Variants in RBFOX2 observed in about 807,000 individuals in gnomAD.
RBFOX2 encodes RNA binding protein fox-1 homolog 2.
In RBFOX2, 10 loss-of-function variants were observed where a neutral mutation model predicts 49.1. The ratio of observed to expected loss-of-function variants is 0.20; its 90% CI spans 0.13 to 0.35. The LOEUF (loss-of-function observed/expected upper bound fraction) is 0.35, where lower values mean the gene tolerates loss of function less well. RBFOX2 is among the 10% of genes least tolerant of loss of function. The pLI is 1.00. For synonymous variants in RBFOX2, 183 were observed against 187.4 expected, an observed-to-expected ratio of 0.98 and a Z score of 0.19; for missense variants, 323 against 486.9, an observed-to-expected ratio of 0.66 and a Z score of 3.17.
At chr22:35,906,296 A>G (rs2049124069) in intron 1 of RBFOX2, among the ~76,000 whole-genome samples, 1 of 152,192 alleles carries the variant, frequency 6.6e-6, no homozygotes, top group Admixed American at 6.5e-5. Context: ...TGGGAGAGCA[A>G]CTTTTCACGA....
chr22:35,797,664 C>T (rs1229196403), intron 2 of RBFOX2, among the ~76,000 whole-genome samples: 1 of 152,180 alleles, frequency 6.6e-6, no homozygotes, highest in Non-Finnish European at 1.5e-5. Flanking sequence ...ACCATTGCTT[C>T]TGTACTGACC....
chr22:35,939,554 A>C (rs1410277047), upstream of RBFOX2, among the ~76,000 whole-genome samples: 1 of 152,042 alleles, frequency 6.6e-6, no homozygotes, highest in Non-Finnish European at 1.5e-5. Flanking sequence ...CCTAATATTT[A>C]ATATTTACTT....
intron 1 of RBFOX2, among the ~76,000 whole-genome samples, chr22:35,832,709 G>A (rs887987844): frequency 1.3e-5 from 2 of 151,860 alleles, no homozygotes; most frequent in Non-Finnish European, 2.9e-5. Flanking sequence ...GCATGCACCC[G>A]TAGTCCTACC....
At chr22:35,894,995 A>C (rs140530783) in intron 1 of RBFOX2, among the ~76,000 whole-genome samples, 25 of 150,760 alleles carry the variant, frequency 1.7e-4, no homozygotes, top group Non-Finnish European at 2.8e-4. Flanking sequence ...AAAAAAAAGA[A>C]AAGACTGGTC....
intron 1 of RBFOX2, among the ~76,000 whole-genome samples, chr22:35,850,214 A>ACTCT (rs1291828852): frequency 6.6e-6 from 1 of 151,216 alleles, no homozygotes; most frequent in African/African-American, 2.4e-5. Context: ...ACACACACAC[A>ACTCT]CACACACACA....
chr22:35,852,962 T>C (rs767483266), intron 1 of RBFOX2, among the ~76,000 whole-genome samples: 3 of 152,132 alleles, frequency 2.0e-5, no homozygotes, highest in Non-Finnish European at 2.9e-5. Context: ...TTCTAGACTA[T>C]ACATACAAGG....
intron 1 of RBFOX2, among the ~76,000 whole-genome samples, chr22:35,933,926 T>TTATATA (rs3075245): frequency 0.033 from 3,855 of 117,830 alleles, 70 homozygotes; most frequent in East Asian, 0.047. Context: ...TAATTAAATG[T>TTATATA]TATATATATA....
intron 1 of RBFOX2, among the ~76,000 whole-genome samples, chr22:35,980,246 T>G (rs9619580): frequency 6.6e-6 from 1 of 151,372 alleles, no homozygotes; most frequent in Admixed American, 6.6e-5. Flanking sequence ...TGAACACCCA[T>G]AAATAGGAAA....
intron 1 of RBFOX2, among the ~76,000 whole-genome samples, chr22:35,985,265 A>G (rs558066424): frequency 2.6e-5 from 4 of 152,354 alleles, no homozygotes; most frequent in African/African-American, 9.6e-5. Context: ...GTAATCAACT[A>G]AAAGTCAAGA....
intron 1 of RBFOX2, among the ~76,000 whole-genome samples, chr22:35,881,070 C>G (rs2045823318): frequency 1.3e-5 from 2 of 149,764 alleles, no homozygotes; most frequent in Non-Finnish European, 3.0e-5. Flanking sequence ...GGAGACCATC[C>G]TGGCTAACAT....
At chr22:35,890,405 G>A (rs990789420) in intron 1 of RBFOX2, among the ~76,000 whole-genome samples, 2 of 152,108 alleles carry the variant, frequency 1.3e-5, no homozygotes, top group African/African-American at 4.8e-5. Context: ...GGCACAGTAA[G>A]AGATTAATGA....
At chr22:35,903,306 C>T (rs960326318) in intron 1 of RBFOX2, among the ~76,000 whole-genome samples, 4 of 152,208 alleles carry the variant, frequency 2.6e-5, no homozygotes, top group Non-Finnish European at 5.9e-5. Context: ...ACAAAGCTGA[C>T]AATCTTCTTA....
At chr22:36,019,473 C>T (rs2059163857) in intron 1 of RBFOX2, among the ~76,000 whole-genome samples, 1 of 152,158 alleles carries the variant, frequency 6.6e-6, no homozygotes, top group Admixed American at 6.5e-5. Flanking sequence ...ATAAGGAAAG[C>T]AAGAAATAAA....
At chr22:35,822,681 C>T (rs1954779068) in intron 1 of RBFOX2, 2 of 363,688 alleles carry the variant, frequency 5.5e-6, no homozygotes, top group Admixed American at 7.7e-5. Flanking sequence ...GTGCAGAATG[C>T]CCTCCCTCTC....
At chr22:35,821,177 C>T (rs937660567) in intron 1 of RBFOX2, among the ~76,000 whole-genome samples, 3 of 152,110 alleles carry the variant, frequency 2.0e-5, no homozygotes, top group African/African-American at 7.2e-5. Context: ...TCTAAAATAT[C>T]TTTGATAGTT....
intron 1 of RBFOX2, among the ~76,000 whole-genome samples, chr22:35,876,005 G>A (rs1009254500): frequency 4.6e-5 from 7 of 151,990 alleles, no homozygotes; most frequent in Admixed American, 1.3e-4. Flanking sequence ...AGAATTCAAA[G>A]GAAAATGAGA....
intron 2 of RBFOX2, among the ~76,000 whole-genome samples, chr22:35,798,512 C>G (rs1949186351): frequency 6.6e-6 from 1 of 152,188 alleles, no homozygotes; most frequent in African/African-American, 2.4e-5. Flanking sequence ...TCTTGAATCT[C>G]TCTAAGCCTC....
At chr22:35,928,905 A>G (rs975467390) in intron 1 of RBFOX2, among the ~76,000 whole-genome samples, 5 of 152,136 alleles carry the variant, frequency 3.3e-5, no homozygotes, top group African/African-American at 1.2e-4. Flanking sequence ...TACACTCATT[A>G]TAACAAAAAG....
chr22:35,844,660 G>GTT (rs557706176), upstream of RBFOX2, among the ~76,000 whole-genome samples: 959 of 114,202 alleles, frequency 8.4e-3, 13 homozygotes, highest in African/African-American at 0.028. Flanking sequence ...ATGCCCGGCA[G>GTT]TTTTTTTTTT....
Sources: gnomAD v4.1 joint callset for allele counts (sites outside exome capture counted in the v4.1 genomes callset) on GRCh38, gnomAD v4.1.1 for gene constraint, MANE v1.5 for transcripts, NCBI Gene and HGNC (gene_info 2026-07-23, HGNC 2026-07-21) for gene names.